Variants in DYRK1A observed in about 807,000 individuals in gnomAD.
DYRK1A encodes dual specificity tyrosine-phosphorylation-regulated kinase 1A.
Under a neutral mutation model 79.7 loss-of-function variants are expected in DYRK1A, and 9 were observed. The observed-to-expected ratio is 0.11, with a 90% CI of 0.07 to 0.20. The LOEUF is 0.20. Among genes scored for constraint, DYRK1A ranks in the 10% least tolerant of loss-of-function variants. The probability of loss-of-function intolerance (pLI) is 1.00; values close to 1 mark genes in which losing one functional copy is unlikely to be tolerated. For missense variants in DYRK1A, 622 were observed against 956.0 expected (o/e 0.65, Z 4.61); for synonymous variants, 349 against 329.7 (o/e 1.06, Z -0.63).
In DYRK1A at chr21:37,506,130, A is replaced by G; in HGVS notation, c.1551A>G (p.Arg517=). The G allele has an allele frequency of 6.2e-7, 1 of 1,613,392 alleles. No homozygotes were observed. Among genetic ancestry groups the G allele is most frequent in the Non-Finnish European group, 8.5e-7 (1 of 1,179,402 alleles). Residue 517 remains arginine, a synonymous_variant, in exon 11 of 12, where the codon AGA becomes AGG. Transcript: ENST00000647188. ...CATCGGGGACAAGCAACAGTGGGAG[A>G]GCCCGGTCGGATCCGACGCACCAGC... ...GGSSGTSNSG[R]ARSDPTHQHR... is the part of the protein sequence containing the mutation.
chr21:37,510,824 T>G (rs1307754487), intron 11 of DYRK1A, among the ~76,000 whole-genome samples: 1 of 151,914 alleles, frequency 6.6e-6, no homozygotes, highest in African/African-American at 2.4e-5. Context: ...AAGCTTTCAT[T>G]CACATTCCAT....
At position 37,520,260 on chromosome 21, in the gene DYRK1A, T is replaced by G. The variant is rs1454250693; in HGVS notation, c.*7729T>G. The stretch of plus-strand genomic sequence containing the variant: ...CACTCCAAGGAAAGTCTGTTACATT[T>G]TTAGCCTTCAGAGGTTTGATGTAGA... On this transcript the variant is annotated 3_prime_UTR_variant, in exon 12 of 12. Coordinates refer to ENST00000647188, the MANE Select transcript of DYRK1A (RefSeq NM_001347721.2). 6.6e-6 allele frequency: 1 copy of G among 152,170 alleles called. No individual in the cohort carries two copies. Among genetic ancestry groups the G allele is most frequent in the Non-Finnish European group, 1.5e-5 (1 of 68,040 alleles). 9.4% of individuals were successfully genotyped at this position (152,170 alleles called of 1,614,324 possible). A position where few individuals can be genotyped will look rare whatever the true frequency, so the allele number is the denominator to read the frequency against.
chr21:37,452,595 TATTTG>T (rs1234428082), intron 2 of DYRK1A, among the ~76,000 whole-genome samples: 1 of 152,082 alleles, frequency 6.6e-6, no homozygotes, highest in Non-Finnish European at 1.5e-5. Flanking sequence ...ACTGCCAATC[TATTTG>T]AGTTTGTACT....
At chr21:37,404,788 G>C (rs186459120) in intron 1 of DYRK1A, among the ~76,000 whole-genome samples, 2 of 152,298 alleles carry the variant, frequency 1.3e-5, no homozygotes, top group East Asian at 3.9e-4. Flanking sequence ...TTATTTTCTT[G>C]TACAGAAGCA....
intron 2 of DYRK1A, among the ~76,000 whole-genome samples, chr21:37,442,239 A>G (rs556871020): frequency 1.5e-4 from 23 of 152,048 alleles, no homozygotes; most frequent in African/African-American, 4.6e-4. Context: ...TTTTAGATCT[A>G]TGGGTTTGTA....
intron 1 of DYRK1A, among the ~76,000 whole-genome samples, chr21:37,370,400 A>G (rs1311269294): frequency 6.6e-6 from 1 of 152,052 alleles, no homozygotes; most frequent in African/African-American, 2.4e-5. Context: ...TGTGGATAGA[A>G]TTAACTGTAT....
At chr21:37,457,029 CTTACTTACTTAT>C (rs1224977408) in intron 2 of DYRK1A, among the ~76,000 whole-genome samples, 1,633 of 87,572 alleles carry the variant, frequency 0.019, 15 homozygotes, top group African/African-American at 0.032. Context: ...TACTTACTTA[CTTACTTACTTAT>C]TTATTTATTT....
chr21:37,443,777 TC>T (rs1569326679), intron 2 of DYRK1A, among the ~76,000 whole-genome samples: 1 of 152,154 alleles, frequency 6.6e-6, no homozygotes, highest in South Asian at 2.1e-4. Flanking sequence ...TTGCCTTCTT[TC>T]TCACACGGTG....
At chr21:37,486,217 G>T in intron 5 of DYRK1A, 1 of 257,692 alleles carries the variant, frequency 3.9e-6, no homozygotes, top group Non-Finnish European at 7.2e-6. Context: ...TCTATTTTGT[G>T]GATATTTAGA....
At chr21:37,369,886 G>A (rs1454374254) in intron 1 of DYRK1A, among the ~76,000 whole-genome samples, 3 of 152,180 alleles carry the variant, frequency 2.0e-5, no homozygotes, top group Non-Finnish European at 4.4e-5. Flanking sequence ...TTGTGTGCAA[G>A]ATATCTAAAA....
intron 8 of DYRK1A, among the ~76,000 whole-genome samples, chr21:37,495,134 T>C (rs2053222550): frequency 6.6e-6 from 1 of 150,770 alleles, no homozygotes; most frequent in Non-Finnish European, 1.5e-5. Context: ...GTCCATACTT[T>C]ATTAAGCCTC....
chr21:37,435,630 C>G (rs1351012364), intron 2 of DYRK1A, among the ~76,000 whole-genome samples: 5 of 152,176 alleles, frequency 3.3e-5, no homozygotes, highest in Admixed American at 1.3e-4. Context: ...GCACTATGCA[C>G]AGGTTTCCTA....
At chr21:37,435,614 G>A (rs113366631) in intron 2 of DYRK1A, among the ~76,000 whole-genome samples, 2 of 152,232 alleles carry the variant, frequency 1.3e-5, no homozygotes, top group African/African-American at 4.8e-5. Flanking sequence ...TATAACTCAG[G>A]TAGCAGCACT....
chr21:37,448,894 C>T (rs879930805), intron 2 of DYRK1A, among the ~76,000 whole-genome samples: 3 of 152,038 alleles, frequency 2.0e-5, no homozygotes, highest in Non-Finnish European at 4.4e-5. Context: ...GATGAGGTTT[C>T]GCTATGTTGT....
At chr21:37,368,331 C>G (rs186952340) in intron 1 of DYRK1A, among the ~76,000 whole-genome samples, 1 of 152,192 alleles carries the variant, frequency 6.6e-6, no homozygotes, top group Non-Finnish European at 1.5e-5. Flanking sequence ...AAAACTTCAC[C>G]AGTCTATTTA....
chr21:37,389,291 G>A (rs2049824920), intron 1 of DYRK1A, among the ~76,000 whole-genome samples: 1 of 151,716 alleles, frequency 6.6e-6, no homozygotes, highest in Non-Finnish European at 1.5e-5. Flanking sequence ...AGCCTCCTGA[G>A]TAGCTGGGAA....
intron 7 of DYRK1A, 34 bp downstream of exon 7, chr21:37,490,495 G>T (rs2053049860): frequency 1.3e-6 from 2 of 1,583,646 alleles, no homozygotes; most frequent in Non-Finnish European, 8.6e-7. Flanking sequence ...GAATTAAATA[G>T]AAATTAAATA....
chr21:37,467,218 C>A (rs1459972437), intron 2 of DYRK1A, among the ~76,000 whole-genome samples: 2 of 152,030 alleles, frequency 1.3e-5, no homozygotes, highest in African/African-American at 4.8e-5. Context: ...ATGACCAAAT[C>A]GCATTCCAGA....
In DYRK1A at chr21:37,512,202, A is replaced by G. The variant is rs765435219; in HGVS notation, c.1936A>G (p.Met646Val). 5.6e-6 allele frequency: 9 copies of G among 1,614,222 alleles called. No individual in the cohort carries two copies. Among genetic ancestry groups the G allele is most frequent in the East Asian group, 4.5e-5 (2 of 44,884 alleles). The change falls in exon 12 of 12, where the codon ATG becomes GTG. Residue 646 changes from methionine (M) to valine (V), a missense_variant. By Grantham distance (21) the Met-to-Val change is conservative (BLOSUM62 1). This residue lies in a region of DYRK1A where 292 missense variants were observed against 316.7 expected (regional missense o/e 0.92). Coordinates refer to ENST00000647188, the MANE Select transcript of DYRK1A (RefSeq NM_001347721.2). ...GGAGGTTGGCCACAGTCACCACTCC[A>G]TGACATCCCTGTCTTCCTCAACGAC... The part of the protein sequence containing the change: ...SMEVGHSHHS[M>V]TSLSSSTTSS...
Sources: allele counts gnomAD v4.1 joint callset (sites outside exome capture counted in the v4.1 genomes callset), GRCh38; gene constraint gnomAD v4.1.1; regional missense constraint gnomAD v4.1.1; transcripts MANE v1.5; gene names NCBI Gene and HGNC (gene_info 2026-07-23, HGNC 2026-07-21).